XPR1: variants seen among roughly 807,000 people sequenced by gnomAD.
XPR1 encodes the protein solute carrier family 53 member 1.
A neutral mutation model predicts 87.5 loss-of-function variants in XPR1; 28 were observed. The observed-to-expected ratio is 0.32, with a 90% CI of 0.24 to 0.44. The LOEUF (loss-of-function observed/expected upper bound fraction) is 0.44, where lower values mean the gene tolerates loss of function less well. XPR1 is among the 20% of genes least tolerant of loss of function. XPR1 has a pLI of 1.00. For missense variants in XPR1, 559 were observed against 862.3 expected (o/e 0.65, Z 4.41); for synonymous variants, 300 against 306.1 (o/e 0.98, Z 0.21).
intron 1 of XPR1, among the ~76,000 whole-genome samples, chr1:180,679,789 T>G (rs546286756): frequency 6.6e-6 from 1 of 152,304 alleles, no homozygotes; most frequent in East Asian, 1.9e-4. Context: ...TAGGGAAGAC[T>G]TTCCAGATCA....
At chr1:180,696,144 C>T (rs1447801994) in intron 2 of XPR1, among the ~76,000 whole-genome samples, 5 of 145,002 alleles carry the variant, frequency 3.4e-5, no homozygotes, top group African/African-American at 7.6e-5. Flanking sequence ...CCTTTTGCCT[C>T]CTTCGTTAAA....
intron 11 of XPR1, among the ~76,000 whole-genome samples, chr1:180,848,890 G>A (rs1290453909): frequency 6.6e-6 from 1 of 152,138 alleles, no homozygotes; most frequent in Non-Finnish European, 1.5e-5. Flanking sequence ...AAATAATTCA[G>A]TGTTAGGAAT....
intron 2 of XPR1, among the ~76,000 whole-genome samples, chr1:180,688,383 C>A (rs545260386): frequency 6.6e-6 from 1 of 151,866 alleles, no homozygotes; most frequent in East Asian, 1.9e-4. Flanking sequence ...GCCACTGCGC[C>A]CAGCCTATTG....
At chr1:180,638,028 A>G (rs1340017894) in intron 1 of XPR1, among the ~76,000 whole-genome samples, 1 of 152,204 alleles carries the variant, frequency 6.6e-6, no homozygotes, top group Non-Finnish European at 1.5e-5. Flanking sequence ...CCTTTGAAAC[A>G]CTGTATCATA....
intron 2 of XPR1, among the ~76,000 whole-genome samples, chr1:180,725,739 C>T (rs968429738): frequency 6.6e-6 from 1 of 152,142 alleles, no homozygotes; most frequent in South Asian, 2.1e-4. Context: ...ATCTGAATTT[C>T]CCCTGGCATC....
chr1:180,686,849 C>A (rs893594079), intron 2 of XPR1, among the ~76,000 whole-genome samples: 1 of 152,042 alleles, frequency 6.6e-6, no homozygotes, highest in African/African-American at 2.4e-5. Flanking sequence ...ATAAAAATAT[C>A]CATCTTTCAT....
chr1:180,761,309 A>G (rs1168024045), intron 2 of XPR1, among the ~76,000 whole-genome samples: 1 of 152,214 alleles, frequency 6.6e-6, no homozygotes, highest in Non-Finnish European at 1.5e-5. Flanking sequence ...ACAGCAAAAG[A>G]AACTACCATC....
intron 12 of XPR1, among the ~76,000 whole-genome samples, chr1:180,873,314 G>A (rs1652564083): frequency 6.6e-6 from 1 of 152,148 alleles, no homozygotes; most frequent in Admixed American, 6.5e-5. Context: ...TGAAATCCAA[G>A]CTTAATTTCA....
At chr1:180,789,274 T>C (rs933374351) in intron 3 of XPR1, among the ~76,000 whole-genome samples, 1 of 152,238 alleles carries the variant, frequency 6.6e-6, no homozygotes, top group South Asian at 2.1e-4. Flanking sequence ...CCAGTCTGAA[T>C]AAATCTCTAT....
chr1:180,719,571 G>A (rs1017355155), intron 2 of XPR1, among the ~76,000 whole-genome samples: 2 of 152,074 alleles, frequency 1.3e-5, no homozygotes, highest in African/African-American at 4.8e-5. Flanking sequence ...TCTGGCTTTG[G>A]TATTTTCTTT....
intron 2 of XPR1, among the ~76,000 whole-genome samples, chr1:180,685,605 C>T (rs983720428): frequency 2.6e-5 from 4 of 152,100 alleles, no homozygotes; most frequent in Admixed American, 6.5e-5. Context: ...GGCTGTGAAT[C>T]CATCTGGTCC....
chr1:180,806,582 G>A, intron 6 of XPR1, 25 bp downstream of exon 6: 1 of 1,597,164 alleles, frequency 6.3e-7, no homozygotes, highest in Non-Finnish European at 8.6e-7. Context: ...CCAGTAGTTT[G>A]TTTGGTTTCA....
chr1:180,693,802 C>T (rs1657071107), intron 2 of XPR1, among the ~76,000 whole-genome samples: 1 of 152,178 alleles, frequency 6.6e-6, no homozygotes, highest in Non-Finnish European at 1.5e-5. Flanking sequence ...CCTGGACAAT[C>T]CAGGATGATG....
At chr1:180,843,668 A>G (rs1337352963) in intron 11 of XPR1, among the ~76,000 whole-genome samples, 1 of 151,576 alleles carries the variant, frequency 6.6e-6, no homozygotes, top group Non-Finnish European at 1.5e-5. Flanking sequence ...TTTCCTTTGC[A>G]TCTTCTTTGT....
chr1:180,656,470 T>A (rs1215346802), intron 1 of XPR1, among the ~76,000 whole-genome samples: 9 of 11,276 alleles, frequency 8.0e-4, no homozygotes, highest in African/African-American at 2.5e-3. Context: ...TATATAATAT[T>A]TATACATTAT....
At chr1:180,875,721 T>A (rs970903254) in intron 13 of XPR1, among the ~76,000 whole-genome samples, 7 of 151,644 alleles carry the variant, frequency 4.6e-5, no homozygotes, top group Non-Finnish European at 7.4e-5. Context: ...AGAACGTAAA[T>A]TAATGGAACA....
intron 2 of XPR1, among the ~76,000 whole-genome samples, chr1:180,770,985 C>G (rs1401027677): frequency 1.3e-5 from 2 of 152,114 alleles, no homozygotes; most frequent in African/African-American, 4.8e-5. Context: ...TAGTGCCTGT[C>G]GATGTGCTCC....
chr1:180,850,557 C>G (rs186800950), intron 11 of XPR1, among the ~76,000 whole-genome samples: 6 of 152,170 alleles, frequency 3.9e-5, no homozygotes, highest in Admixed American at 3.9e-4. Context: ...ATAATTTTAG[C>G]TTATGTTTAT....
chr1:180,703,184 A>G (rs1167253768), intron 2 of XPR1, among the ~76,000 whole-genome samples: 1 of 152,072 alleles, frequency 6.6e-6, no homozygotes, highest in African/African-American at 2.4e-5. Flanking sequence ...GCAGTGGGCA[A>G]GGTGGGCAAG....
Sources: allele counts gnomAD v4.1 joint callset (sites outside exome capture counted in the v4.1 genomes callset), GRCh38; gene constraint gnomAD v4.1.1; transcripts MANE v1.5; gene names NCBI Gene and HGNC (gene_info 2026-07-23, HGNC 2026-07-21).